CLNK: variants seen among roughly 807,000 people sequenced by gnomAD.
CLNK encodes the protein cytokine dependent hematopoietic cell linker.
Under a neutral mutation model 68.6 loss-of-function variants are expected in CLNK, and 74 were observed. That is an observed-to-expected ratio of 1.08 (90% confidence interval 0.89 to 1.31). The LOEUF (loss-of-function observed/expected upper bound fraction) is 1.31, where lower values mean the gene tolerates loss of function less well. CLNK is among the 50% of genes most tolerant of loss of function. The pLI is 0.00. For synonymous variants in CLNK, 198 were observed against 172.2 expected, an observed-to-expected ratio of 1.15 and a Z score of -1.17; for missense variants, 553 against 515.3, an observed-to-expected ratio of 1.07 and a Z score of -0.71.
intron 8 of CLNK, among the ~76,000 whole-genome samples, chr4:10,552,371 G>T (rs1002297509): frequency 1.3e-5 from 2 of 152,124 alleles, no homozygotes; most frequent in South Asian, 2.1e-4. Flanking sequence ...CAGCTAAGGC[G>T]CAGACATAAA....
At chr4:10,598,127 T>C in intron 2 of CLNK, 78 bp from the exon 3 acceptor site, 1 of 917,040 alleles carries the variant, frequency 1.1e-6, no homozygotes, top group Non-Finnish European at 1.7e-6. Flanking sequence ...CATTCATTCA[T>C]AGAAAGAGCC....
At chr4:10,712,528 A>G in the CLNK span, among the ~76,000 whole-genome samples, 1 of 152,250 alleles carries the variant, frequency 6.6e-6, no homozygotes, top group African/African-American at 2.4e-5. Context: ...TCCTGAAAAT[A>G]AACCCCTCCA....
intron 14 of CLNK, among the ~76,000 whole-genome samples, chr4:10,524,882 G>A (rs745515008): frequency 2.6e-5 from 4 of 152,176 alleles, no homozygotes; most frequent in Non-Finnish European, 5.9e-5. Context: ...CATTGTGGTT[G>A]CTGGCAGGCA....
chr4:10,712,998 C>A, the CLNK span, among the ~76,000 whole-genome samples: 1 of 152,160 alleles, frequency 6.6e-6, no homozygotes, highest in Non-Finnish European at 1.5e-5. Flanking sequence ...CATTGCCCAC[C>A]AAGTTATGCT....
chr4:10,552,205 T>A (rs181065733), intron 8 of CLNK, among the ~76,000 whole-genome samples: 1 of 152,084 alleles, frequency 6.6e-6, no homozygotes, highest in African/African-American at 2.4e-5. Flanking sequence ...CCCCATCTTA[T>A]CTTTTCCTTA....
At chr4:10,620,374 C>T (rs1163839093) in intron 2 of CLNK, among the ~76,000 whole-genome samples, 1 of 152,118 alleles carries the variant, frequency 6.6e-6, no homozygotes, top group Non-Finnish European at 1.5e-5. Flanking sequence ...AACACCAATG[C>T]CAGAAACCCA....
At chr4:10,558,033 T>C (rs1290300338) in intron 8 of CLNK, among the ~76,000 whole-genome samples, 2 of 152,238 alleles carry the variant, frequency 1.3e-5, no homozygotes, top group Non-Finnish European at 2.9e-5. Context: ...CCTTAAAATC[T>C]GTTTTCATAT....
chr4:10,573,474 G>A (rs1720426792), intron 4 of CLNK, among the ~76,000 whole-genome samples: 1 of 152,096 alleles, frequency 6.6e-6, no homozygotes, highest in Admixed American at 6.6e-5. Flanking sequence ...CATCCCCACT[G>A]AGATCCCTGG....
chr4:10,542,124 A>G, intron 9 of CLNK, 83 bp from the exon 10 acceptor site: 1 of 1,306,024 alleles, frequency 7.7e-7, no homozygotes, highest in Non-Finnish European at 1.1e-6. Context: ...GTTTACAAAT[A>G]GAAATTACAA....
At chr4:10,504,082 A>T (rs1393325900) in intron 17 of CLNK, among the ~76,000 whole-genome samples, 3 of 136,222 alleles carry the variant, frequency 2.2e-5, no homozygotes, top group Non-Finnish European at 3.1e-5. Context: ...CGCCCGGCTC[A>T]TTTGCAGGGT....
At chr4:10,697,665 A>G in the CLNK span, 16 of 152,300 alleles carry the variant, frequency 1.1e-4, no homozygotes, top group African/African-American at 3.4e-4. Context: ...TAGGACGGCC[A>G]CTGGGTGTGT....
intron 2 of CLNK, among the ~76,000 whole-genome samples, chr4:10,655,754 A>G (rs1723951227): frequency 7.1e-6 from 1 of 140,372 alleles, no homozygotes; most frequent in Non-Finnish European, 1.5e-5. Flanking sequence ...GGTTCACGCC[A>G]TTCTCCTGCC....
chr4:10,682,816 A>C (rs1725142947), intron 1 of CLNK, among the ~76,000 whole-genome samples: 1 of 152,210 alleles, frequency 6.6e-6, no homozygotes, highest in Non-Finnish European at 1.5e-5. Context: ...CAAGAAGAAA[A>C]TATGTATTCA....
chr4:10,579,805 G>A (rs1720709063), intron 4 of CLNK, among the ~76,000 whole-genome samples: 1 of 152,116 alleles, frequency 6.6e-6, no homozygotes, highest in South Asian at 2.1e-4. Context: ...ATCCCCACCT[G>A]TGTAGAACAC....
chr4:10,564,630 C>G (rs780300564), intron 7 of CLNK, 41 bp downstream of exon 7: 1 of 1,359,022 alleles, frequency 7.4e-7, no homozygotes, highest in Non-Finnish European at 1.1e-6. Context: ...TTAGGAAGAG[C>G]CCTACACATG....
chr4:10,581,655 AT>A (rs11287712), intron 4 of CLNK, among the ~76,000 whole-genome samples: 116,161 of 149,142 alleles, frequency 0.78, 45,943 homozygotes, highest in East Asian at 0.91. Flanking sequence ...AGGACCTTTA[AT>A]TTTTTTTTTT....
chr4:10,511,336 T>C (rs1257087464), intron 16 of CLNK, among the ~76,000 whole-genome samples: 1 of 152,226 alleles, frequency 6.6e-6, no homozygotes, highest in African/African-American at 2.4e-5. Context: ...TCAAATATTT[T>C]CCAGAATTTG....
intron 14 of CLNK, among the ~76,000 whole-genome samples, chr4:10,521,826 G>A (rs894944233): frequency 6.6e-6 from 1 of 152,088 alleles, no homozygotes; most frequent in Non-Finnish European, 1.5e-5. Context: ...AAAAAATAGG[G>A]AATAGCAAAA....
upstream of CLNK, among the ~76,000 whole-genome samples, chr4:10,685,368 T>C (rs1725231590): frequency 6.6e-6 from 1 of 152,232 alleles, no homozygotes; most frequent in South Asian, 2.1e-4. Flanking sequence ...GGAAATGATA[T>C]TTCCTCAATT....
Sources: allele counts gnomAD v4.1 joint callset (sites outside exome capture counted in the v4.1 genomes callset), GRCh38; gene constraint gnomAD v4.1.1; transcripts MANE v1.5; gene names NCBI Gene and HGNC (gene_info 2026-07-23, HGNC 2026-07-21).